The following PIGN variants were observed in gnomAD, a reference collection of about 807,000 sequenced individuals.
PIGN encodes GPI ethanolamine phosphate transferase 1.
Under a neutral mutation model 125.4 loss-of-function variants are expected in PIGN, and 117 were observed. That is an observed-to-expected ratio of 0.93 (90% CI 0.80 to 1.09). PIGN has a LOEUF of 1.09. Ranked by LOEUF, PIGN falls within the 50% of genes least tolerant of loss-of-function variation. PIGN has a pLI of 0.00. For synonymous variants in PIGN, 392 were observed against 377.8 expected (o/e 1.04, Z -0.44); for missense variants, 1,075 against 1,094.9 (o/e 0.98, Z 0.26).
At chr18:62,127,322 A>C (rs1388357566) in intron 14 of PIGN, among the ~76,000 whole-genome samples, 1 of 152,202 alleles carries the variant, frequency 6.6e-6, no homozygotes, top group African/African-American at 2.4e-5. Flanking sequence ...TATTTACATC[A>C]GGCTACAGTT....
At chr18:62,106,380 GA>G (rs5825476) in intron 19 of PIGN, among the ~76,000 whole-genome samples, 5,607 of 147,634 alleles carry the variant, frequency 0.038, 155 homozygotes, top group East Asian at 0.073. Flanking sequence ...TACTTATCCA[GA>G]AAAAAAAAAA....
intron 4 of PIGN, among the ~76,000 whole-genome samples, chr18:62,159,314 T>A (rs1041270293): frequency 2.0e-5 from 3 of 152,178 alleles, no homozygotes; most frequent in African/African-American, 7.2e-5. Flanking sequence ...CCTGACATTG[T>A]AAATATACAA....
At chr18:62,169,475 T>TA (rs35267537) in intron 1 of PIGN, among the ~76,000 whole-genome samples, 60,807 of 151,450 alleles carry the variant, frequency 0.4, 12,725 homozygotes, top group East Asian at 0.73. Context: ...TTTTTATTAT[T>TA]TTTTTTTTGA....
At chr18:62,153,476 T>A (rs1315538928) in intron 7 of PIGN, 1 of 152,184 alleles carries the variant, frequency 6.6e-6, no homozygotes, top group East Asian at 1.9e-4. Context: ...AAGGAATCAA[T>A]TCCATGATTT....
intron 11 of PIGN, among the ~76,000 whole-genome samples, chr18:62,140,878 AAGG>A (rs1412395166): frequency 6.6e-6 from 1 of 152,236 alleles, no homozygotes; most frequent in Non-Finnish European, 1.5e-5. Context: ...AAAGTATCAG[AAGG>A]AGGTTTGACC....
At chr18:62,175,329 A>T (rs4245289) in intron 1 of PIGN, among the ~76,000 whole-genome samples, 88,247 of 151,654 alleles carry the variant, frequency 0.58, 26,491 homozygotes, top group East Asian at 0.78. Flanking sequence ...CAAATTGTAG[A>T]ACATTTCACT....
At position 62,138,318 on chromosome 18, in the gene PIGN, A is replaced by G. The variant is rs1307177278; in HGVS notation, c.1117-20T>C. The G allele has an allele frequency of 2.6e-6, 4 of 1,522,650 alleles. No individual in the cohort carries two copies. The highest frequency in any genetic ancestry group is 3.5e-6 in the Non-Finnish European group (4 of 1,134,558). The allele number at this position is 1,522,650 out of a possible 1,614,324, so 94.3% of individuals were successfully genotyped here. On this transcript the variant is annotated intron_variant, in intron 13 of 30. Coordinates refer to ENST00000640252, the MANE Select transcript of PIGN (RefSeq NM_176787.5). The stretch of plus-strand genomic sequence containing the variant: ...TTTCACCTGGGAACCAAGTATGAAA[A>G]TATTACAAATGAGAAAAATAATGAA...
chr18:62,083,699 T>C (rs907433002), intron 27 of PIGN, among the ~76,000 whole-genome samples: 2 of 152,128 alleles, frequency 1.3e-5, no homozygotes, highest in Non-Finnish European at 2.9e-5. Flanking sequence ...AAAAAAACCA[T>C]TTAAAAAATG....
At chr18:62,161,939 T>C (rs4468721) in intron 3 of PIGN, among the ~76,000 whole-genome samples, 82,055 of 151,988 alleles carry the variant, frequency 0.54, 24,235 homozygotes, top group East Asian at 0.79. Flanking sequence ...ACTATTACCA[T>C]ATTGAGCAGG....
chr18:62,118,567 G>A (rs996994408), intron 14 of PIGN: 1 of 152,202 alleles, frequency 6.6e-6, no homozygotes, highest in Admixed American at 6.5e-5. Flanking sequence ...CTGCCAGGAA[G>A]TAGAGAATCC....
chr18:62,182,277 A>C (rs2037744720), intron 1 of PIGN, among the ~76,000 whole-genome samples: 1 of 152,180 alleles, frequency 6.6e-6, no homozygotes, highest in African/African-American at 2.4e-5. Context: ...CTCCAAATCC[A>C]CATATGTAAC....
intron 23 of PIGN, among the ~76,000 whole-genome samples, chr18:62,094,632 C>A (rs2034101537): frequency 6.6e-6 from 1 of 152,154 alleles, no homozygotes; most frequent in Non-Finnish European, 1.5e-5. Flanking sequence ...TTTAAGCTTT[C>A]ATGATGTTCA....
chr18:62,076,594 CTATT>C (rs1285535194), intron 28 of PIGN, among the ~76,000 whole-genome samples: 1 of 152,124 alleles, frequency 6.6e-6, no homozygotes, highest in Non-Finnish European at 1.5e-5. Flanking sequence ...AGGATTTGCT[CTATT>C]TTTTTCCTAG....
Position 62,041,640 on chromosome 18 carries a change from G to T in PIGN, c.*4216C>A, listed in dbSNP as rs867953447. On this transcript the variant is annotated 3_prime_UTR_variant, in exon 31 of 31. Transcript: ENST00000640252. ...ATTACAGGAGCCTACCACCCCGCCG[G>T]GTGTGTGTGTGTGTGTGTGTGTGTG... The T allele has an allele frequency of 7.5e-3, 582 of 77,536 alleles. 5 individuals carry two copies. Among genetic ancestry groups the T allele is most frequent in the Middle Eastern group, 0.036 (5 of 138 alleles). 4.8% of individuals were successfully genotyped at this position (77,536 alleles called of 1,614,324 possible). A position where few individuals can be genotyped will look rare whatever the true frequency, so the allele number is the denominator to read the frequency against.
chr18:62,104,986 G>A (rs1219078707), intron 20 of PIGN: 1 of 152,158 alleles, frequency 6.6e-6, no homozygotes, highest in African/African-American at 2.4e-5. Flanking sequence ...AAATATAGCA[G>A]CACAGTAAGG....
chr18:62,186,041 ATTTTTTTT>A (rs755658401), intron 1 of PIGN, among the ~76,000 whole-genome samples: 205 of 102,222 alleles, frequency 2.0e-3, no homozygotes, highest in South Asian at 3.4e-3. Context: ...AGCGGAATTG[ATTTTTTTT>A]TTTTTTTTTT....
chr18:62,023,539 G>A (rs994676707), intron 23 of PIGN, among the ~76,000 whole-genome samples: 1 of 152,042 alleles, frequency 6.6e-6, no homozygotes, highest in Non-Finnish European at 1.5e-5. Context: ...CGTTTTTGTG[G>A]CTGCTTATCT....
Position 62,045,816 on chromosome 18 carries a change from G to A in PIGN, c.*40C>T, listed in dbSNP as rs777874762. On this transcript the variant is annotated 3_prime_UTR_variant, in exon 31 of 31. Coordinates refer to ENST00000640252, the MANE Select transcript of PIGN (RefSeq NM_176787.5). ...CCTTGATGAGATTTTAGCTTAAAAG[G>A]AGAATCAGGATCCAGATGCTGAATG... The A allele has an allele frequency of 5.0e-6, 8 of 1,606,760 alleles. No individual in the cohort carries two copies. In the South Asian group the frequency reaches 8.8e-5, roughly 18 times the overall value.
chr18:62,132,619 A>C (rs1453802041), intron 14 of PIGN, among the ~76,000 whole-genome samples: 1 of 152,162 alleles, frequency 6.6e-6, no homozygotes, highest in Non-Finnish European at 1.5e-5. Context: ...AGGCAGGCAG[A>C]CCGCTTGAGC....
Sources: allele counts gnomAD v4.1 joint callset (sites outside exome capture counted in the v4.1 genomes callset), GRCh38; gene constraint gnomAD v4.1.1; transcripts MANE v1.5; gene names NCBI Gene and HGNC (gene_info 2026-07-23, HGNC 2026-07-21).